The following MALRD1 variants were observed in gnomAD, a reference collection of about 807,000 sequenced individuals.
MALRD1 encodes the protein MAM and LDL-receptor class A domain-containing protein 1.
In MALRD1, 247 loss-of-function variants were observed where a neutral mutation model predicts 242.1. The ratio of observed to expected loss-of-function variants is 1.02; its 90% CI spans 0.92 to 1.13. The LOEUF (loss-of-function observed/expected upper bound fraction) is 1.13. Among genes scored for constraint, MALRD1 ranks in the 50% most tolerant of loss-of-function variants. MALRD1 has a pLI of 0.00. For synonymous variants in MALRD1, 995 were observed against 866.6 expected, an observed-to-expected ratio of 1.15 and a Z score of -2.60; for missense variants, 2,989 against 2,533.1, an observed-to-expected ratio of 1.18 and a Z score of -3.86.
chr10:19,567,632 A>T lies in MALRD1; in HGVS notation c.5609A>T (p.Asp1870Val), dbSNP rs1836315422. Residue 1870 changes from aspartate to valine, a missense_variant, in exon 33 of 40, where the codon GAT becomes GTT. Transcript: ENST00000454679. ...CCGTTTAAGGTGGCATTTGAAGCTG[A>T]TTTGGATGGAAATGAGGACATCTTT... Reference protein sequence around the residue: ...NSPFKVAFEADLDGNEDIFIA... With the variant: ...NSPFKVAFEAVLDGNEDIFIA... 4 of 1,550,700 alleles carry T rather than the reference A, an allele frequency of 2.6e-6. No individual in the cohort carries two copies. The highest frequency in any genetic ancestry group is 1.7e-4 in the Middle Eastern group (1 of 5,990).
chr10:19,380,716 A>G (rs1412053177), intron 26 of MALRD1, among the ~76,000 whole-genome samples: 1 of 152,056 alleles, frequency 6.6e-6, no homozygotes, highest in Non-Finnish European at 1.5e-5. Flanking sequence ...TTTCCTCTCT[A>G]TCCATTTACT....
chr10:19,215,411 A>AT (rs1837264406), intron 18 of MALRD1, among the ~76,000 whole-genome samples: 1 of 152,100 alleles, frequency 6.6e-6, no homozygotes, highest in Non-Finnish European at 1.5e-5. Context: ...AACAAGGTTA[A>AT]TTTTTTTCCT....
chr10:19,393,022 C>T (rs1381523158), intron 28 of MALRD1, among the ~76,000 whole-genome samples: 2 of 152,152 alleles, frequency 1.3e-5, no homozygotes, highest in Non-Finnish European at 2.9e-5. Context: ...GTTATAAACT[C>T]AAGGTCACCA....
At chr10:19,600,442 A>C (rs1320290402) in intron 34 of MALRD1, among the ~76,000 whole-genome samples, 1 of 152,184 alleles carries the variant, frequency 6.6e-6, no homozygotes, top group Admixed American at 6.5e-5. Flanking sequence ...TTTCATTGAA[A>C]ATTATTTAAA....
intron 28 of MALRD1, among the ~76,000 whole-genome samples, chr10:19,417,110 C>T (rs1300821520): frequency 6.6e-6 from 1 of 152,306 alleles, no homozygotes; most frequent in African/African-American, 2.4e-5. Flanking sequence ...TTATTCTTAT[C>T]TCTTTTTCCA....
chr10:19,100,936 T>C (rs547205075), intron 4 of MALRD1, among the ~76,000 whole-genome samples: 1 of 152,168 alleles, frequency 6.6e-6, no homozygotes, highest in East Asian at 1.9e-4. Flanking sequence ...TGAAAAAGCT[T>C]TCAGAAAGAA....
intron 28 of MALRD1, among the ~76,000 whole-genome samples, chr10:19,438,000 G>A (rs1337252278): frequency 9.9e-5 from 15 of 151,874 alleles, no homozygotes; most frequent in Admixed American, 9.9e-4. Context: ...AATATGCCTT[G>A]GTAGAAGTCC....
chr10:19,649,541 G>T (rs1400910625), intron 36 of MALRD1, among the ~76,000 whole-genome samples: 1 of 152,150 alleles, frequency 6.6e-6, no homozygotes, highest in Admixed American at 6.5e-5. Context: ...CTTTTCAGAA[G>T]TGTCTGTTCA....
intron 19 of MALRD1, among the ~76,000 whole-genome samples, chr10:19,276,655 T>A (rs1173405790): frequency 6.6e-6 from 1 of 152,144 alleles, no homozygotes; most frequent in Admixed American, 6.5e-5. Context: ...ATAAAATGAT[T>A]CCCTTTTTAA....
chr10:19,098,439 A>C (rs879815144), intron 4 of MALRD1, among the ~76,000 whole-genome samples: 1 of 152,204 alleles, frequency 6.6e-6, no homozygotes, highest in Non-Finnish European at 1.5e-5. Flanking sequence ...GCATTAAAAA[A>C]TGTAAATTTT....
chr10:19,462,715 A>C (rs2131101770), intron 29 of MALRD1, among the ~76,000 whole-genome samples: 1 of 152,364 alleles, frequency 6.6e-6, no homozygotes, highest in South Asian at 2.1e-4. Flanking sequence ...TTACACAGAT[A>C]AGTTGATTAT....
At chr10:19,681,788 T>C (rs1049711301) in intron 36 of MALRD1, among the ~76,000 whole-genome samples, 1 of 152,112 alleles carries the variant, frequency 6.6e-6, no homozygotes, top group African/African-American at 2.4e-5. Context: ...TTTCTCATCT[T>C]CATGACTTTC....
At chr10:19,187,477 A>G (rs4748561) in intron 14 of MALRD1, among the ~76,000 whole-genome samples, 28,958 of 152,168 alleles carry the variant, frequency 0.19, 3,036 homozygotes, top group Admixed American at 0.27. Context: ...AGCAGAAAGA[A>G]GGAACTAAGG....
chr10:19,050,816 A>T (rs1466604590), intron 1 of MALRD1, among the ~76,000 whole-genome samples: 1 of 152,204 alleles, frequency 6.6e-6, no homozygotes, highest in African/African-American at 2.4e-5. Flanking sequence ...CCCTTCCATT[A>T]TAAATCTCTA....
chr10:19,159,866 T>C lies in MALRD1; in HGVS notation c.1656+4694T>C, dbSNP rs60003350. ...CACCAGATGTTATTTCCTTTGGTAG[T>C]AAAATATATGATTTAATGTATACAT... On this transcript the variant is annotated intron_variant, in intron 12 of 39. Coordinates refer to ENST00000454679, the MANE Select transcript of MALRD1 (RefSeq NM_001142308.3). 9.5e-3 allele frequency among the ~76,000 whole-genome samples: 1,446 copies of C among 152,184 alleles called. 22 individuals carry two copies. Among genetic ancestry groups the C allele is most frequent in the African/African-American group, 0.031 (1,308 of 41,540 alleles).
chr10:19,295,385 C>T (rs1486057907), intron 21 of MALRD1, among the ~76,000 whole-genome samples: 1 of 151,434 alleles, frequency 6.6e-6, no homozygotes, highest in Non-Finnish European at 1.5e-5. Context: ...AAAATAGTAT[C>T]CAATTGTATA....
At position 19,450,349 on chromosome 10, in the gene MALRD1, A is replaced by C; in HGVS notation, c.4888A>C (p.Asn1630His). ...AAAAGTATGGCAAGAAAGTAAGCAG[A>C]ACCCTGGTAATCATTGGCAAAAGGC... ...LSKVWQESKQ[N>H]PGNHWQKADI... Residue 1630 changes from asparagine to histidine, a missense_variant, in exon 29 of 40, where the codon AAC becomes CAC. By Grantham distance (68) the Asn-to-His change is moderately conservative (BLOSUM62 1). Coordinates refer to ENST00000454679, the MANE Select transcript of MALRD1 (RefSeq NM_001142308.3). 6.5e-7 allele frequency: 1 copy of C among 1,549,490 alleles called. No individual in the cohort carries two copies. The highest frequency in any genetic ancestry group is 8.7e-7 in the Non-Finnish European group (1 of 1,146,942).
At chr10:19,182,987 A>G (rs1421504878) in intron 14 of MALRD1, among the ~76,000 whole-genome samples, 1 of 150,980 alleles carries the variant, frequency 6.6e-6, no homozygotes, top group Non-Finnish European at 1.5e-5. Context: ...TCGGGGACTT[A>G]AAAGATAATT....
At chr10:19,617,812 G>T (rs1404928969) in intron 36 of MALRD1, among the ~76,000 whole-genome samples, 2 of 151,882 alleles carry the variant, frequency 1.3e-5, no homozygotes, top group Non-Finnish European at 2.9e-5. Flanking sequence ...CCCATGACAA[G>T]TTTACTTATG....
Sources: allele counts gnomAD v4.1 joint callset (sites outside exome capture counted in the v4.1 genomes callset), GRCh38; gene constraint gnomAD v4.1.1; transcripts MANE v1.5; gene names NCBI Gene and HGNC (gene_info 2026-07-23, HGNC 2026-07-21).